Variants in TNFRSF1B observed in about 807,000 individuals in gnomAD.
TNFRSF1B encodes the protein TNF receptor superfamily member 1B.
A neutral mutation model predicts 44.6 loss-of-function variants in TNFRSF1B; 19 were observed. The ratio of observed to expected loss-of-function variants is 0.43; its 90% CI spans 0.30 to 0.62. The LOEUF (loss-of-function observed/expected upper bound fraction) is 0.62, where lower values mean the gene tolerates loss of function less well. TNFRSF1B is among the 20% of genes least tolerant of loss of function. The pLI, the probability that TNFRSF1B is intolerant of heterozygous loss-of-function variation, is 0.16. For synonymous variants in TNFRSF1B, 252 were observed against 261.1 expected (o/e 0.97, Z 0.34); for missense variants, 541 against 619.9 (o/e 0.87, Z 1.35).
chr1:12,190,860 G>C, intron 2 of TNFRSF1B, 97 bp from the exon 3 acceptor site: 2 of 1,445,268 alleles, frequency 1.4e-6, no homozygotes, highest in South Asian at 2.7e-5. Flanking sequence ...CTTCCCAGCT[G>C]GGCTTTAGAA....
intron 8 of TNFRSF1B, 98 bp from the exon 9 acceptor site, chr1:12,201,869 T>C: frequency 6.9e-7 from 1 of 1,452,016 alleles, no homozygotes; most frequent in Non-Finnish European, 9.2e-7. Flanking sequence ...TGAGAAGTGC[T>C]GATGGCAGGA....
chr1:12,183,751 AGC>A (rs1557629275), intron 1 of TNFRSF1B, among the ~76,000 whole-genome samples: 2,214 of 124,926 alleles, frequency 0.018, 100 homozygotes, highest in African/African-American at 0.032. Context: ...CTATCTATCT[AGC>A]TAGCTAGCTA....
At chr1:12,179,472 C>T (rs5745976) in intron 1 of TNFRSF1B, among the ~76,000 whole-genome samples, 18 of 152,348 alleles carry the variant, frequency 1.2e-4, no homozygotes, top group Admixed American at 8.5e-4. Context: ...ACGTGGTTTC[C>T]GCATTGCTTG....
intron 2 of TNFRSF1B, 90 bp downstream of exon 2, chr1:12,188,985 C>G (rs1639050580): frequency 8.9e-7 from 1 of 1,124,464 alleles, no homozygotes; most frequent in African/African-American, 1.5e-5. Context: ...GCCCTTGATT[C>G]TTACTGAACT....
intron 1 of TNFRSF1B, among the ~76,000 whole-genome samples, chr1:12,182,340 A>G (rs892703601): frequency 1.3e-5 from 2 of 151,220 alleles, no homozygotes; most frequent in Non-Finnish European, 3.0e-5. Flanking sequence ...CACTGCCCTG[A>G]CCTCCTGACC....
At chr1:12,184,143 C>T (rs761491462) in intron 1 of TNFRSF1B, among the ~76,000 whole-genome samples, 14 of 152,214 alleles carry the variant, frequency 9.2e-5, no homozygotes, top group Non-Finnish European at 1.2e-4. Context: ...GCTTCTGTAG[C>T]CCTGCATTTC....
At chr1:12,182,891 C>G (rs1002899833) in intron 1 of TNFRSF1B, among the ~76,000 whole-genome samples, 1 of 152,164 alleles carries the variant, frequency 6.6e-6, no homozygotes, top group Non-Finnish European at 1.5e-5. Context: ...GAGGTTGGGC[C>G]ATTCAGCTTT....
chr1:12,180,258 G>C lies in TNFRSF1B; in HGVS notation c.79-8538G>C, dbSNP rs1050354016. On this transcript the variant is annotated intron_variant, in intron 1 of 9. Coordinates refer to ENST00000376259, the MANE Select transcript of TNFRSF1B (RefSeq NM_001066.3). The surrounding 1 kb of genome is among the most constrained non-coding windows in gnomAD (Gnocchi z 4.3). ...CAGTCTGGACAACATAGCAAGACCC[G>C]GTCTCTTTCTATAAATGAAAAAATA... Among the ~76,000 whole-genome samples the C allele has an allele frequency of 6.6e-6, 1 of 152,086 alleles. No individual in the cohort carries two copies. Among genetic ancestry groups the C allele is most frequent in the South Asian group, 2.1e-4 (1 of 4,832 alleles).
At chr1:12,198,438 G>T (rs1435198169) in intron 8 of TNFRSF1B, among the ~76,000 whole-genome samples, 1 of 152,044 alleles carries the variant, frequency 6.6e-6, no homozygotes, top group East Asian at 1.9e-4. Context: ...CCACCCCAGC[G>T]CACACACTCA....
chr1:12,202,214 G>A (rs775218211), intron 9 of TNFRSF1B, 43 bp downstream of exon 9: 26 of 1,532,416 alleles, frequency 1.7e-5, no homozygotes, highest in Middle Eastern at 2.2e-4. Flanking sequence ...AAGCCTCCTT[G>A]GTCTTTCTCA....
intron 6 of TNFRSF1B, 67 bp from the exon 7 acceptor site, chr1:12,193,888 C>T: frequency 7.3e-7 from 1 of 1,376,942 alleles, no homozygotes; most frequent in Non-Finnish European, 1.0e-6. Flanking sequence ...CCCTGGCTTG[C>T]CTGGCTGGCC....
chr1:12,173,337 A>T (rs1004079419), intron 1 of TNFRSF1B, among the ~76,000 whole-genome samples: 18 of 152,132 alleles, frequency 1.2e-4, no homozygotes, highest in Admixed American at 2.6e-4. Context: ...CCCACTGTCA[A>T]TATCTTGGTT....
rs1570150813 is a variant in TNFRSF1B, at chr1:12,188,799, G to T, written c.82G>T (p.Ala28Ser). 6.2e-7 allele frequency: 1 copy of T among 1,613,230 alleles called. No individual in the cohort carries two copies. Among genetic ancestry groups the T allele is most frequent in the East Asian group, 2.2e-5 (1 of 44,860 alleles). The change falls in exon 2 of 10, where the codon GCA becomes TCA. Residue 28 changes from alanine (A) to serine (S), a missense_variant. Transcript: ENST00000376259. ...AAAHALPAQVAFTPYAPEPGS... is the reference protein window; with the variant it reads ...AAAHALPAQVSFTPYAPEPGS... ...AGTCTTCCCTTCTTCCTTCCAGGTG[G>T]CATTTACACCCTACGCCCCGGAGCC...
rs940221319 is a variant in TNFRSF1B at position 12,201,852 on chromosome 1, C to T, written c.901-115C>T. ...CGTGCAAGGGTGGGCAGAAACGTCA[C>T]GTAAACTGAGAAGTGCTGATGGCAG... On this transcript the variant is annotated intron_variant, in intron 8 of 9. Coordinates refer to ENST00000376259, the MANE Select transcript of TNFRSF1B (RefSeq NM_001066.3). The T allele has an allele frequency of 3.7e-5, 52 of 1,393,066 alleles. No homozygotes were observed. The Middle Eastern group carries it at 7.2e-4, about 19-fold the overall frequency. The allele number at this position is 1,393,066 out of a possible 1,614,324, so 86.3% of individuals were successfully genotyped here.
At chr1:12,204,793 C>T (rs1350026235) in intron 9 of TNFRSF1B, among the ~76,000 whole-genome samples, 3 of 107,162 alleles carry the variant, frequency 2.8e-5, no homozygotes, top group South Asian at 6.7e-4. Context: ...AAAAACATCA[C>T]CACCACCACC....
intron 1 of TNFRSF1B, among the ~76,000 whole-genome samples, chr1:12,183,494 C>T (rs1638857451): frequency 6.6e-6 from 1 of 151,372 alleles, no homozygotes; most frequent in Non-Finnish European, 1.5e-5. Flanking sequence ...GTATAGCTAT[C>T]TATTGATATT....
intron 1 of TNFRSF1B, among the ~76,000 whole-genome samples, chr1:12,181,769 T>C (rs2101089833): frequency 6.6e-6 from 1 of 152,154 alleles, no homozygotes; most frequent in Non-Finnish European, 1.5e-5. Context: ...CACCCTCTGC[T>C]CTCTCCAGAG....
chr1:12,202,292 G>A, intron 9 of TNFRSF1B, 121 bp downstream of exon 9: 1 of 1,420,576 alleles, frequency 7.0e-7, no homozygotes, highest in East Asian at 2.5e-5. Context: ...TGAGCCACAG[G>A]GAACTTCCTT....
chr1:12,178,970 G>T lies in TNFRSF1B; in HGVS notation c.79-9826G>T, dbSNP rs17885508. On this transcript the variant is annotated intron_variant, in intron 1 of 9. Coordinates refer to ENST00000376259, the MANE Select transcript of TNFRSF1B (RefSeq NM_001066.3). This position sits in a 1 kb window ranked among gnomAD's most constrained non-coding sequence, Gnocchi z 4.3. ...CAGCTGGCAGGAGATGCTGAGGGCAGCGAGGAGGAGGGGTCGTGGGAGATG... is the reference window on the plus strand; with the variant it reads ...CAGCTGGCAGGAGATGCTGAGGGCATCGAGGAGGAGGGGTCGTGGGAGATG... Among the ~76,000 whole-genome samples the T allele has an allele frequency of 0.012, 1,858 of 152,238 alleles. 34 individuals are homozygous for T. The highest frequency in any genetic ancestry group is 0.041 in the African/African-American group (1,715 of 41,540).
Sources: gnomAD v4.1 joint callset for allele counts (sites outside exome capture counted in the v4.1 genomes callset) on GRCh38, gnomAD v4.1.1 for gene constraint, Gnocchi (gnomAD v3.1) non-coding constraint, MANE v1.5 for transcripts, NCBI Gene and HGNC (gene_info 2026-07-23, HGNC 2026-07-21) for gene names.